The following ATXN10 variants were observed in gnomAD, a reference collection of about 807,000 sequenced individuals.
ATXN10 encodes ataxin 10.
A neutral mutation model predicts 52.9 loss-of-function variants in ATXN10; 28 were observed. The observed-to-expected ratio is 0.53, with a 90% CI of 0.39 to 0.73. The LOEUF (loss-of-function observed/expected upper bound fraction) is 0.73. ATXN10 is among the 30% of genes least tolerant of loss of function. The pLI is 0.00. For missense variants in ATXN10, 565 were observed against 577.0 expected (o/e 0.98, Z 0.21); for synonymous variants, 226 against 221.5 (o/e 1.02, Z -0.18).
rs551653580 is a variant in ATXN10, at chr22:45,817,959, C to T, written c.1237+10937C>T. 1.2e-4 allele frequency among the ~76,000 whole-genome samples: 19 copies of T among 152,254 alleles called. No individual in the cohort carries two copies. The East Asian group carries it at 3.7e-3, about 29-fold the overall frequency. On this transcript the variant is annotated intron_variant, in intron 10 of 11. Coordinates refer to ENST00000252934, the MANE Select transcript of ATXN10 (RefSeq NM_013236.4). Reference sequence around the variant, plus strand: ...CCTGCTTTAGCCAGCTCTCCTAGTACCTTAGCAACGGGCTCCCAGGGTGAG... The same window carrying T: ...CCTGCTTTAGCCAGCTCTCCTAGTATCTTAGCAACGGGCTCCCAGGGTGAG...
chr22:45,711,458 T>C (rs1480390391), intron 5 of ATXN10, among the ~76,000 whole-genome samples: 2 of 152,108 alleles, frequency 1.3e-5, no homozygotes, highest in African/African-American at 4.8e-5. Flanking sequence ...TCTGTGACCC[T>C]GCATTATTAA....
intron 5 of ATXN10, among the ~76,000 whole-genome samples, chr22:45,707,397 C>CAG (rs949520353): frequency 1.3e-5 from 2 of 151,964 alleles, no homozygotes; most frequent in Admixed American, 1.3e-4. Context: ...TACAAACAAA[C>CAG]AGAAGTTGGT....
chr22:45,804,385 C>T (rs1928030866), intron 9 of ATXN10, among the ~76,000 whole-genome samples: 1 of 152,222 alleles, frequency 6.6e-6, no homozygotes, highest in South Asian at 2.1e-4. Flanking sequence ...ATCACACCTT[C>T]AGTGCCTGGA....
intron 7 of ATXN10, among the ~76,000 whole-genome samples, chr22:45,735,236 T>G (rs1039283519): frequency 1.3e-5 from 2 of 152,132 alleles, no homozygotes; most frequent in Admixed American, 1.3e-4. Flanking sequence ...TAATGTTCCC[T>G]AAATGTTATC....
Position 45,750,335 on chromosome 22 carries a change from G to T in ATXN10, c.1173+9797G>T, listed in dbSNP as rs576070364. On this transcript the variant is annotated intron_variant, in intron 9 of 11. Coordinates refer to ENST00000252934, the MANE Select transcript of ATXN10 (RefSeq NM_013236.4). This position sits in a 1 kb window ranked among gnomAD's most constrained non-coding sequence, Gnocchi z 4.2. Reference sequence around the variant, plus strand: ...GGTCTTGAACTCCTGAGCTTGAGCAGTCTGTCCACCTTGGCCTCCCAAAGT... The same window carrying T: ...GGTCTTGAACTCCTGAGCTTGAGCATTCTGTCCACCTTGGCCTCCCAAAGT... 6.6e-6 allele frequency among the ~76,000 whole-genome samples: 1 copy of T among 152,146 alleles called. No homozygotes were observed. Among genetic ancestry groups the T allele is most frequent in the East Asian group, 1.9e-4 (1 of 5,172 alleles).
At position 45,672,010 on chromosome 22, in the gene ATXN10, G is replaced by GTCCTCCTCGCCTTCC. The variant is rs1569017041; in HGVS notation, c.-44_-30dup. 1.1e-5 allele frequency: 16 copies of GTCCTCCTCGCCTTCC among 1,521,480 alleles called. No individual in the cohort carries two copies. The highest frequency in any genetic ancestry group is 5.0e-5 in the East Asian group (2 of 40,178). The allele number at this position is 1,521,480 out of a possible 1,614,324, so 94.2% of individuals were successfully genotyped here. A position where few individuals can be genotyped will look rare whatever the true frequency, so the allele number is the denominator to read the frequency against. Reference sequence around the variant, plus strand: ...TCCCTCCTCGTCATCCTCCCCCTTCGTCCTCCTCGCCTTCCTCCTCCTCGT... The same window carrying GTCCTCCTCGCCTTCC: ...TCCCTCCTCGTCATCCTCCCCCTTCGTCCTCCTCGCCTTCCTCCTCCTCGCCTTCCTCCTCCTCGT... On this transcript the variant is annotated 5_prime_UTR_variant, in exon 1 of 12. Coordinates refer to ENST00000252934, the MANE Select transcript of ATXN10 (RefSeq NM_013236.4).
At chr22:45,808,811 G>C (rs999430681) in intron 10 of ATXN10, among the ~76,000 whole-genome samples, 2 of 152,184 alleles carry the variant, frequency 1.3e-5, no homozygotes, top group African/African-American at 4.8e-5. Context: ...TGGAGAAATG[G>C]TTCAAAGTTA....
At chr22:45,707,313 C>CAGATA (rs2146760531) in intron 5 of ATXN10, among the ~76,000 whole-genome samples, 1 of 152,202 alleles carries the variant, frequency 6.6e-6, no homozygotes, top group African/African-American at 2.4e-5. Flanking sequence ...AATCTTTTAT[C>CAGATA]ATTCTATTGA....
In ATXN10 at chr22:45,820,884, G is replaced by T. The variant is rs141688124; in HGVS notation, c.1237+13862G>T. Among the ~76,000 whole-genome samples, 9 of 152,334 alleles carry T rather than the reference G, an allele frequency of 5.9e-5. No homozygotes were observed. In the East Asian group the frequency reaches 1.7e-3, roughly 29 times the overall value. ...CCTGTGCTGTGAAAGAGCCTCAGTG[G>T]TGGACAGAAGCCAGGGAAAAGCACG... is the stretch of plus-strand genomic sequence containing the variant. On this transcript the variant is annotated intron_variant, in intron 10 of 11. Coordinates refer to ENST00000252934, the MANE Select transcript of ATXN10 (RefSeq NM_013236.4). This position sits in a 1 kb window ranked among gnomAD's most constrained non-coding sequence, Gnocchi z 4.9.
At chr22:45,814,308 A>G (rs1928386144) in intron 10 of ATXN10, among the ~76,000 whole-genome samples, 1 of 152,242 alleles carries the variant, frequency 6.6e-6, no homozygotes, top group African/African-American at 2.4e-5. Context: ...AAAATGACTC[A>G]AGACTTGCAT....
At chr22:45,782,902 GT>G (rs1228453844) in intron 9 of ATXN10, among the ~76,000 whole-genome samples, 3 of 152,156 alleles carry the variant, frequency 2.0e-5, no homozygotes, top group African/African-American at 7.2e-5. Context: ...CTGTGATAAA[GT>G]TTAATTTATA....
At chr22:45,799,415 T>C (rs1181531219) in intron 9 of ATXN10, among the ~76,000 whole-genome samples, 1 of 152,158 alleles carries the variant, frequency 6.6e-6, no homozygotes, top group African/African-American at 2.4e-5. Flanking sequence ...TGTAATTACT[T>C]AAGACGAGAT....
intron 9 of ATXN10, among the ~76,000 whole-genome samples, chr22:45,758,694 A>G (rs1310178528): frequency 6.6e-6 from 1 of 152,280 alleles, no homozygotes; most frequent in African/African-American, 2.4e-5. Flanking sequence ...GTGCATACAC[A>G]TAGCCACTGC....
intron 9 of ATXN10, among the ~76,000 whole-genome samples, chr22:45,761,161 G>A (rs144335650): frequency 6.6e-6 from 1 of 152,018 alleles, no homozygotes. Context: ...TTGCTCTGTC[G>A]CCAGGTTGGA....
In ATXN10 at chr22:45,724,263, T is replaced by G. The variant is rs113530773; in HGVS notation, c.729-5162T>G. 5.0e-3 allele frequency among the ~76,000 whole-genome samples: 769 copies of G among 152,288 alleles called. 4 individuals are homozygous for G. The highest frequency in any genetic ancestry group is 0.01 in the South Asian group (50 of 4,826). On this transcript the variant is annotated intron_variant, in intron 6 of 11. Transcript: ENST00000252934. ...CCCCATACTATTTTCCATGAAGGTT[T>G]TACTATTTTACTTTCCCCCCAGCAT...
rs999578259 is a variant in ATXN10 at position 45,696,953 on chromosome 22, C to CA, written c.392-3328dup. On this transcript the variant is annotated intron_variant, in intron 3 of 11. Coordinates refer to ENST00000252934, the MANE Select transcript of ATXN10 (RefSeq NM_013236.4). The surrounding 1 kb of genome is among the most constrained non-coding windows in gnomAD (Gnocchi z 4.7). Reference sequence around the variant, plus strand: ...ACTAGGCAGAGAGGGCAGATTCTTACAGACCTGTTACATGTTAGCTGTATT... The same window carrying CA: ...ACTAGGCAGAGAGGGCAGATTCTTACAAGACCTGTTACATGTTAGCTGTATT... Among the ~76,000 whole-genome samples the CA allele has an allele frequency of 6.6e-6, 1 of 152,180 alleles. No individual in the cohort carries two copies. Among genetic ancestry groups the CA allele is most frequent in the Non-Finnish European group, 1.5e-5 (1 of 68,024 alleles).
Position 45,823,578 on chromosome 22 carries a change from T to A in ATXN10, c.1237+16556T>A, listed in dbSNP as rs1353450297. Reference sequence around the variant, plus strand: ...TTTCCTGTGCTGTATTCTCTGTCCCTGGCCTGATACTATACTCTTGTAATC... The same window carrying A: ...TTTCCTGTGCTGTATTCTCTGTCCCAGGCCTGATACTATACTCTTGTAATC... On this transcript the variant is annotated intron_variant, in intron 10 of 11. Coordinates refer to ENST00000252934, the MANE Select transcript of ATXN10 (RefSeq NM_013236.4). The surrounding 1 kb of genome is among the most constrained non-coding windows in gnomAD (Gnocchi z 4.9). Among the ~76,000 whole-genome samples, 1 of 152,222 alleles carries A rather than the reference T, an allele frequency of 6.6e-6. No homozygotes were observed. The highest frequency in any genetic ancestry group is 2.4e-5 in the African/African-American group (1 of 41,456).
At chr22:45,810,549 A>G (rs1303728556) in intron 10 of ATXN10, among the ~76,000 whole-genome samples, 2 of 152,260 alleles carry the variant, frequency 1.3e-5, no homozygotes, top group Non-Finnish European at 2.9e-5. Flanking sequence ...TGAGTTATTC[A>G]TTGAAATTGC....
chr22:45,743,593 G>C (rs1189081161), intron 9 of ATXN10, among the ~76,000 whole-genome samples: 1 of 152,186 alleles, frequency 6.6e-6, no homozygotes, highest in Non-Finnish European at 1.5e-5. Flanking sequence ...AGGGCTTTAA[G>C]GGAAATTTGG....
Sources: allele counts gnomAD v4.1 joint callset (sites outside exome capture counted in the v4.1 genomes callset), GRCh38; gene constraint gnomAD v4.1.1; non-coding constraint Gnocchi (gnomAD v3.1); transcripts MANE v1.5; gene names NCBI Gene and HGNC (gene_info 2026-07-23, HGNC 2026-07-21).